Variants in SEZ6L observed in about 807,000 individuals in gnomAD.
The protein encoded by SEZ6L is seizure related 6 homolog like.
In SEZ6L, 37 loss-of-function variants were observed where a neutral mutation model predicts 106.2. That is an observed-to-expected ratio of 0.35 (90% CI 0.27 to 0.46). SEZ6L has a LOEUF of 0.46. Ranked by LOEUF, SEZ6L falls within the 20% of genes least tolerant of loss-of-function variation. The probability of loss-of-function intolerance (pLI) is 1.00; values close to 1 mark genes in which losing one functional copy is unlikely to be tolerated. For synonymous variants in SEZ6L, 541 were observed against 570.4 expected, an observed-to-expected ratio of 0.95 and a Z score of 0.73; for missense variants, 1,172 against 1,332.8, an observed-to-expected ratio of 0.88 and a Z score of 1.88.
intron 10 of SEZ6L, among the ~76,000 whole-genome samples, chr22:26,342,170 G>C (rs926823881): frequency 2.0e-5 from 3 of 152,204 alleles, no homozygotes; most frequent in Non-Finnish European, 4.4e-5. Flanking sequence ...TAGAAGAATG[G>C]GTGAGTGGTT....
intron 1 of SEZ6L, among the ~76,000 whole-genome samples, chr22:26,231,391 A>G (rs1027634156): frequency 2.6e-5 from 4 of 152,110 alleles, no homozygotes; most frequent in African/African-American, 7.2e-5. Context: ...TGGTTTAGCT[A>G]GTCCTCAATT....
At chr22:26,290,764 C>A (rs1217889751) in intron 1 of SEZ6L, among the ~76,000 whole-genome samples, 2 of 152,342 alleles carry the variant, frequency 1.3e-5, no homozygotes, top group South Asian at 2.1e-4. Flanking sequence ...CCAGCTTTAT[C>A]CCCCGTACTC....
intron 1 of SEZ6L, among the ~76,000 whole-genome samples, chr22:26,228,537 C>T (rs2078703284): frequency 1.3e-5 from 2 of 152,200 alleles, no homozygotes; most frequent in Non-Finnish European, 2.9e-5. Flanking sequence ...CAAAACCGTT[C>T]AGCCCTCTAT....
chr22:26,353,454 T>C (rs1403546448), intron 12 of SEZ6L, among the ~76,000 whole-genome samples: 2 of 152,178 alleles, frequency 1.3e-5, no homozygotes, highest in Non-Finnish European at 2.9e-5. Context: ...GTAAGACACA[T>C]TTCTAGACAC....
At chr22:26,331,940 G>A (rs562759711) in intron 9 of SEZ6L, among the ~76,000 whole-genome samples, 2 of 152,152 alleles carry the variant, frequency 1.3e-5, no homozygotes, top group East Asian at 2.0e-4. Context: ...AGCTGAGATC[G>A]TGCCACTGCA....
At chr22:26,209,851 T>TGAAGGAAATAAGGGAGAGAGTAAG (rs2078099284) in intron 1 of SEZ6L, among the ~76,000 whole-genome samples, 1 of 70,976 alleles carries the variant, frequency 1.4e-5, no homozygotes, top group Admixed American at 1.7e-4. Context: ...AAGGAAGGAA[T>TGAAGGAAATAAGGGAGAGAGTAAG]GAAGGAAAGA....
chr22:26,272,414 G>C (rs1020258832), intron 1 of SEZ6L, among the ~76,000 whole-genome samples: 3 of 152,140 alleles, frequency 2.0e-5, no homozygotes, highest in African/African-American at 7.2e-5. Flanking sequence ...CCAAACACTT[G>C]GTTTGTGTTT....
intron 9 of SEZ6L, among the ~76,000 whole-genome samples, chr22:26,322,373 T>G (rs12160556): frequency 2.6e-5 from 4 of 152,218 alleles, no homozygotes; most frequent in African/African-American, 7.2e-5. Context: ...GTCTCGGCAA[T>G]GTAGCAGCGA....
At position 26,292,903 on chromosome 22, in the gene SEZ6L, G is replaced by A. The variant is rs756013990; in HGVS notation, c.592G>A (p.Ala198Thr). The change falls in exon 2 of 17, where the codon GCA (alanine) becomes ACA (threonine). Residue 198 changes from alanine (A) to threonine (T), a missense_variant. By Grantham distance (58) the Ala-to-Thr change is moderately conservative. Around this residue, in one of 4 missense-constraint regions of SEZ6L, gnomAD observed 494 missense variants for 445.8 expected, o/e 1.11. Coordinates refer to ENST00000248933, the MANE Select transcript of SEZ6L (RefSeq NM_021115.5). ...RKESAVPTTPAPLQISPFTSQ... is the reference protein window; with the variant it reads ...RKESAVPTTPTPLQISPFTSQ... ...GGAGAGTGCGGTCCCTACAACACCCGCACCCCTGCAAATCTCCCCCTTCAC... is the reference window on the plus strand; with the variant it reads ...GGAGAGTGCGGTCCCTACAACACCCACACCCCTGCAAATCTCCCCCTTCAC... 4.6e-5 allele frequency: 75 copies of A among 1,613,950 alleles called. No individual in the cohort carries two copies. Among genetic ancestry groups the A allele is most frequent in the South Asian group, 2.2e-4 (20 of 91,086 alleles).
Position 26,377,788 on chromosome 22 carries a change from C to T in SEZ6L, c.3045+13C>T. ...TTACGAGACAGGGGTGAGTTGGTCT[C>T]TCTCGTCTCTTCCCAATTCCCTCCC... On this transcript the variant is annotated intron_variant, in intron 16 of 16. Coordinates refer to ENST00000248933, the MANE Select transcript of SEZ6L (RefSeq NM_021115.5). The T allele has an allele frequency of 6.4e-7, 1 of 1,561,890 alleles. No homozygotes were observed. Among genetic ancestry groups the T allele is most frequent in the Non-Finnish European group, 8.8e-7 (1 of 1,132,576 alleles).
rs190347974 is a variant in SEZ6L at position 26,235,620 on chromosome 22, A to T, written c.95-56786A>T. Reference sequence around the variant, plus strand: ...ATGAGGTGATAAATAGACATTAGCCAGGTGAAAGAGAGGGAAGGCATTCTA... The same window carrying T: ...ATGAGGTGATAAATAGACATTAGCCTGGTGAAAGAGAGGGAAGGCATTCTA... On this transcript the variant is annotated intron_variant, in intron 1 of 16. Coordinates refer to ENST00000248933, the MANE Select transcript of SEZ6L (RefSeq NM_021115.5). 1.4e-4 allele frequency among the ~76,000 whole-genome samples: 21 copies of T among 152,256 alleles called. No individual in the cohort carries two copies. In the South Asian group the frequency reaches 3.9e-3, roughly 29 times the overall value.
chr22:26,294,544 G>GCCAA, intron 3 of SEZ6L, 119 bp downstream of exon 3: 1 of 950,594 alleles, frequency 1.1e-6, no homozygotes, highest in East Asian at 2.5e-5. Flanking sequence ...GCCCAACCAG[G>GCCAA]CCAACTTTAG....
intron 1 of SEZ6L, among the ~76,000 whole-genome samples, chr22:26,292,089 GAAGA>G (rs1179039527): frequency 3.4e-5 from 5 of 146,182 alleles, no homozygotes; most frequent in East Asian, 2.0e-4. Flanking sequence ...AAGGAGGAAG[GAAGA>G]AAGAAAAAAA....
intron 1 of SEZ6L, among the ~76,000 whole-genome samples, chr22:26,291,564 C>G (rs657937): frequency 0.15 from 23,561 of 152,126 alleles, 2,478 homozygotes; most frequent in Non-Finnish European, 0.23. Context: ...CATAACAAAC[C>G]TGCACATCCT....
chr22:26,208,850 CTGTG>C (rs35483380), intron 1 of SEZ6L, among the ~76,000 whole-genome samples: 15,794 of 111,070 alleles, frequency 0.14, 1,010 homozygotes, highest in Non-Finnish European at 0.16. Context: ...GACTCTCTCT[CTGTG>C]TGTGTGTGTG....
At chr22:26,302,395 GA>G (rs988156858) in intron 5 of SEZ6L, among the ~76,000 whole-genome samples, 5 of 152,184 alleles carry the variant, frequency 3.3e-5, no homozygotes, top group African/African-American at 9.7e-5. Flanking sequence ...CAGCTATCAA[GA>G]GAGCAAAACC....
chr22:26,256,272 G>A (rs2079817906), intron 1 of SEZ6L, among the ~76,000 whole-genome samples: 1 of 152,178 alleles, frequency 6.6e-6, no homozygotes, highest in Admixed American at 6.5e-5. Context: ...AAAGGAATAT[G>A]GGTACAAGGA....
At chr22:26,322,848 C>A (rs1350702008) in intron 9 of SEZ6L, among the ~76,000 whole-genome samples, 1 of 152,178 alleles carries the variant, frequency 6.6e-6, no homozygotes, top group African/African-American at 2.4e-5. Flanking sequence ...TCTGCCTCTT[C>A]CTCTAAAAAC....
intron 1 of SEZ6L, among the ~76,000 whole-genome samples, chr22:26,177,792 T>C (rs994837999): frequency 3.3e-5 from 5 of 152,100 alleles, no homozygotes; most frequent in African/African-American, 1.2e-4. Flanking sequence ...ATAGTTAGAG[T>C]AGGCCTCCTT....
Sources: allele counts gnomAD v4.1 joint callset (sites outside exome capture counted in the v4.1 genomes callset), GRCh38; gene constraint gnomAD v4.1.1; regional missense constraint gnomAD v4.1.1; transcripts MANE v1.5; gene names NCBI Gene and HGNC (gene_info 2026-07-23, HGNC 2026-07-21).